PLAC8: variants seen among roughly 807,000 people sequenced by gnomAD.
PLAC8 encodes the protein placenta-specific gene 8 protein.
Under a neutral mutation model 12.6 loss-of-function variants are expected in PLAC8, and 6 were observed. The observed-to-expected ratio is 0.48, with a 90% confidence interval of 0.26 to 0.94. PLAC8 has a LOEUF of 0.94. Ranked by LOEUF, PLAC8 falls within the 40% of genes least tolerant of loss-of-function variation. The pLI is 0.14. For synonymous variants in PLAC8, 54 were observed against 52.6 expected (o/e 1.03, Z -0.11); for missense variants, 122 against 152.7 (o/e 0.80, Z 1.06).
intron 1 of PLAC8, among the ~76,000 whole-genome samples, chr4:83,111,013 G>A (rs921407316): frequency 4.6e-5 from 7 of 152,274 alleles, no homozygotes; most frequent in African/African-American, 1.4e-4. Context: ...CCAGGCAGGA[G>A]TGCAATGAAT....
chr4:83,110,660 C>T (rs904270298), intron 1 of PLAC8, among the ~76,000 whole-genome samples: 1 of 152,166 alleles, frequency 6.6e-6, no homozygotes, highest in African/African-American at 2.4e-5. Context: ...CAAACAGTGG[C>T]GAGAGCCCAG....
chr4:83,091,288 ATCT>A (rs1216599664), intron 4 of PLAC8, among the ~76,000 whole-genome samples: 2 of 152,174 alleles, frequency 1.3e-5, no homozygotes, highest in African/African-American at 4.8e-5. Flanking sequence ...TTTAATTGTC[ATCT>A]TCTCTTAGGC....
At position 83,090,079 on chromosome 4, in the gene PLAC8, T is replaced by C. The variant is rs1282679804; in HGVS notation, c.*902A>G. 6.6e-6 allele frequency: 1 copy of C among 151,678 alleles called. No homozygotes were observed. The highest frequency in any genetic ancestry group is 1.9e-4 in the East Asian group (1 of 5,168). The allele number at this position is 151,678 out of a possible 1,614,324, so 9.4% of individuals were successfully genotyped here. On this transcript the variant is annotated 3_prime_UTR_variant, in exon 5 of 5. Transcript: ENST00000311507. ...TTTTTTCTCATCTAAAGTTCTTAGA[T>C]GAAAGAGAGCTGGGTTACTGTGAAC...
At chr4:83,103,163 G>A (rs951625567) in intron 3 of PLAC8, among the ~76,000 whole-genome samples, 3 of 151,852 alleles carry the variant, frequency 2.0e-5, no homozygotes, top group Admixed American at 1.3e-4. Flanking sequence ...GTGGGAGGCC[G>A]AGGCGGGCGG....
rs188636266 is a variant in PLAC8, at chr4:83,102,903, G to A, written c.243+1993C>T. Among the ~76,000 whole-genome samples the A allele has an allele frequency of 6.8e-3, 1,038 of 151,554 alleles. 37 individuals are homozygous for A. The highest frequency in any genetic ancestry group is 0.062 in the East Asian group (319 of 5,118). On this transcript the variant is annotated intron_variant, in intron 3 of 4. Coordinates refer to ENST00000311507, the MANE Select transcript of PLAC8 (RefSeq NM_016619.3). ...AGATTGAGACAATACTGGCTAACAC[G>A]GTGAAACCCCGTCTCTACTAAAAAT...
chr4:83,109,115 T>C (rs1180705417), intron 1 of PLAC8, among the ~76,000 whole-genome samples: 1 of 152,224 alleles, frequency 6.6e-6, no homozygotes, highest in African/African-American at 2.4e-5. Context: ...AGTCTTAGTT[T>C]CTGAAACCGT....
intron 3 of PLAC8, among the ~76,000 whole-genome samples, chr4:83,099,381 T>C (rs530498222): frequency 3.3e-5 from 5 of 152,322 alleles, no homozygotes; most frequent in Non-Finnish European, 7.3e-5. Context: ...CAATAGCGTG[T>C]GCTCACTTCA....
intron 4 of PLAC8, chr4:83,094,477 T>G: frequency 6.9e-6 from 3 of 435,290 alleles, no homozygotes; most frequent in Non-Finnish European, 1.2e-5. Context: ...TTCCTTTATT[T>G]ACTAAAATAT....
At chr4:83,114,297 A>G (rs1352396787) in intron 1 of PLAC8, among the ~76,000 whole-genome samples, 1 of 152,228 alleles carries the variant, frequency 6.6e-6, no homozygotes. Flanking sequence ...TAAAGCAGAA[A>G]GAAATTAGAC....
chr4:83,101,414 G>C (rs1217185947), intron 3 of PLAC8, among the ~76,000 whole-genome samples: 1 of 152,088 alleles, frequency 6.6e-6, no homozygotes, highest in Non-Finnish European at 1.5e-5. Flanking sequence ...AAAAAAGAAA[G>C]CTGCAAAAGA....
chr4:83,102,695 A>C (rs1032388780), intron 3 of PLAC8, among the ~76,000 whole-genome samples: 21 of 152,250 alleles, frequency 1.4e-4, no homozygotes, highest in Admixed American at 1.4e-3. Context: ...TAGAAATAGC[A>C]AGAGAACTAG....
At chr4:83,114,025 ATAT>A (rs1732480220) in intron 1 of PLAC8, among the ~76,000 whole-genome samples, 1 of 150,940 alleles carries the variant, frequency 6.6e-6, no homozygotes, top group African/African-American at 2.4e-5. Context: ...GATACTAGAC[ATAT>A]TATTGAGATT....
intron 4 of PLAC8, among the ~76,000 whole-genome samples, chr4:83,091,503 G>A (rs921194529): frequency 2.0e-5 from 3 of 152,150 alleles, no homozygotes; most frequent in African/African-American, 7.2e-5. Flanking sequence ...CAAATCAGGG[G>A]TGCAAACTAT....
intron 1 of PLAC8, among the ~76,000 whole-genome samples, chr4:83,110,087 C>G (rs1292218067): frequency 6.6e-6 from 1 of 152,094 alleles, no homozygotes; most frequent in African/African-American, 2.4e-5. Context: ...AGCCGCAAAG[C>G]TGGGCAGGGC....
intron 3 of PLAC8, among the ~76,000 whole-genome samples, chr4:83,097,454 C>T (rs1451456000): frequency 2.0e-5 from 3 of 152,006 alleles, no homozygotes. Context: ...TAGACATTTG[C>T]CCTAAATTAA....
chr4:83,092,236 A>G (rs1294597545), intron 4 of PLAC8, among the ~76,000 whole-genome samples: 2 of 152,204 alleles, frequency 1.3e-5, no homozygotes. Context: ...ATTACTATGA[A>G]TGTGTGGGTA....
At chr4:83,092,244 G>A (rs968564168) in intron 4 of PLAC8, among the ~76,000 whole-genome samples, 2 of 152,118 alleles carry the variant, frequency 1.3e-5, no homozygotes, top group Non-Finnish European at 2.9e-5. Context: ...GAATGTGTGG[G>A]TAGATATTTG....
chr4:83,110,622 C>A (rs969425885), intron 1 of PLAC8, among the ~76,000 whole-genome samples: 1 of 152,210 alleles, frequency 6.6e-6, no homozygotes. Context: ...TGAGGCCATG[C>A]GTGATGCAGG....
chr4:83,104,998 G>A lies in PLAC8; in HGVS notation c.141C>T (p.Phe47=). 6.2e-7 allele frequency: 1 copy of A among 1,614,016 alleles called. No individual in the cohort carries two copies. The highest frequency in any genetic ancestry group is 8.5e-7 in the Non-Finnish European group (1 of 1,179,988). The change falls in exon 3 of 5, where the codon TTC becomes TTT. Residue 47 remains phenylalanine, a synonymous_variant. Coordinates refer to ENST00000311507, the MANE Select transcript of PLAC8 (RefSeq NM_016619.3). ...CTGCAACTTGACACCCAAGGCACGG[G>A]AAACAAAATGTGCCACAGAGACCTA... ...CGVCLCGTFC[F]PCLGCQVAAD... is the part of the protein sequence containing the mutation.
Sources: gnomAD v4.1 joint callset for allele counts (sites outside exome capture counted in the v4.1 genomes callset) on GRCh38, gnomAD v4.1.1 for gene constraint, MANE v1.5 for transcripts, NCBI Gene and HGNC (gene_info 2026-07-23, HGNC 2026-07-21) for gene names.